Variants in NIN observed in about 807,000 individuals in gnomAD.
NIN encodes ninein.
In NIN, 137 loss-of-function variants were observed where a neutral mutation model predicts 257.6. That is an observed-to-expected ratio of 0.53 (90% CI 0.46 to 0.61). NIN has a LOEUF of 0.61. Among genes scored for constraint, NIN ranks in the 20% least tolerant of loss-of-function variants. NIN has a pLI of 0.00. For synonymous variants in NIN, 918 were observed against 919.8 expected (o/e 1.00, Z 0.04); for missense variants, 2,439 against 2,501.2 (o/e 0.98, Z 0.53).
At chr14:50,732,736 G>GGT (rs1555373791) in intron 28 of NIN, among the ~76,000 whole-genome samples, 1 of 151,002 alleles carries the variant, frequency 6.6e-6, no homozygotes, top group African/African-American at 2.4e-5. Context: ...TGTTTTTTGG[G>GGT]TTTTTTTTTG....
At chr14:50,783,543 G>A (rs1384717700) in intron 5 of NIN, among the ~76,000 whole-genome samples, 1 of 151,932 alleles carries the variant, frequency 6.6e-6, no homozygotes, top group Non-Finnish European at 1.5e-5. Context: ...ACAGATAGGA[G>A]GTATTCTGTG....
At position 50,732,517 on chromosome 14, in the gene NIN, G is replaced by C. The variant is rs371828049; in HGVS notation, c.5878-2794C>G. On this transcript the variant is annotated intron_variant, in intron 28 of 30. Transcript: ENST00000530997. ...GAGTGATGAACAGGTTTTGGAAGGA[G>C]TGGTAATGGTTGTAGGATGTTGTGA... Among the ~76,000 whole-genome samples the C allele has an allele frequency of 1.1e-3, 172 of 152,310 alleles. 3 individuals are homozygous for C. The South Asian group carries it at 0.033, about 29-fold the overall frequency.
chr14:50,741,629 G>C lies in NIN; in HGVS notation c.5401C>G (p.Gln1801Glu). Residue 1801 changes from glutamine to glutamate, a missense_variant, in exon 25 of 31, where the codon CAA becomes GAA. Gln to Glu is a conservative substitution (Grantham distance 29). Coordinates refer to ENST00000530997, the MANE Select transcript of NIN (RefSeq NM_020921.4). ...TGCTTATGTAAAGACATCACTTCTT[G>C]TTTTAAAGCCTCCTTTTCCTGCTGA... ...VTQQEKEALK[Q>E]EVMSLHKQLQ... 2 of 1,614,088 alleles carry C rather than the reference G, an allele frequency of 1.2e-6. No homozygotes were observed. The highest frequency in any genetic ancestry group is 1.7e-6 in the Non-Finnish European group (2 of 1,179,976).
chr14:50,802,639 C>T (rs1366156726), intron 4 of NIN, among the ~76,000 whole-genome samples: 2 of 152,208 alleles, frequency 1.3e-5, no homozygotes, highest in Non-Finnish European at 2.9e-5. Context: ...TAGCATTCTT[C>T]ATAGATATGG....
rs2042220232 is a variant in NIN at position 50,760,209 on chromosome 14, C to T, written c.2047G>A (p.Ala683Thr). 1 of 1,613,942 alleles carries T rather than the reference C, an allele frequency of 6.2e-7. No homozygotes were observed. The highest frequency in any genetic ancestry group is 8.5e-7 in the Non-Finnish European group (1 of 1,180,042). ...TGATGTGCCTCCTTGAGCACTGCTG[C>T]TTGCCCCTGAAGTTCAGCAATTTCA... ...KNEIAELQGQ[A>T]AVLKEAHHEA... Residue 683 changes from alanine (A) to threonine (T), a missense_variant, in exon 17 of 31, where the codon GCA becomes ACA. Transcript: ENST00000530997.
At chr14:50,815,967 T>C (rs1327074246) in intron 3 of NIN, among the ~76,000 whole-genome samples, 2 of 152,194 alleles carry the variant, frequency 1.3e-5, no homozygotes, top group East Asian at 1.9e-4. Flanking sequence ...GATTGCACTA[T>C]TGCACTCCAG....
rs536597304 is a variant in NIN at position 50,787,597 on chromosome 14, T to C, written c.435+5115A>G. Among the ~76,000 whole-genome samples the C allele has an allele frequency of 5.3e-5, 8 of 152,330 alleles. No individual in the cohort carries two copies. In the East Asian group the frequency reaches 1.5e-3, roughly 29 times the overall value. On this transcript the variant is annotated intron_variant, in intron 5 of 30. Transcript: ENST00000530997. ...ATAGAAATGGCCAACTGAATTGACT[T>C]GAGCGAAAATGATCCCATAAAAAAA...
chr14:50,761,914 G>GA lies in NIN; in HGVS notation c.1775-4dup. The GA allele has an allele frequency of 6.2e-7, 1 of 1,613,998 alleles. No homozygotes were observed. The highest frequency in any genetic ancestry group is 8.5e-7 in the Non-Finnish European group (1 of 1,179,942). On this transcript the variant is annotated splice_polypyrimidine_tract_variant and splice_region_variant and intron_variant, in intron 15 of 30. Coordinates refer to ENST00000530997, the MANE Select transcript of NIN (RefSeq NM_020921.4). ...ATTGCATTCTTCAGAACCGAGCCCT[G>GA]AAAACACATGGGACTCATTGATCCT...
chr14:50,747,604 G>A (rs2041604454), intron 22 of NIN, among the ~76,000 whole-genome samples: 1 of 151,888 alleles, frequency 6.6e-6, no homozygotes, highest in African/African-American at 2.4e-5. Context: ...CGTGGTGATG[G>A]GCACCTGTAA....
chr14:50,807,766 A>C (rs1262773271), intron 3 of NIN, among the ~76,000 whole-genome samples: 24 of 152,232 alleles, frequency 1.6e-4, no homozygotes. Flanking sequence ...TTAGTTATTG[A>C]AACAGTGGAC....
At chr14:50,733,307 G>A (rs2040812926) in intron 28 of NIN, among the ~76,000 whole-genome samples, 2 of 152,050 alleles carry the variant, frequency 1.3e-5, no homozygotes, top group Admixed American at 6.5e-5. Context: ...TGGTCACGCT[G>A]GTCTCGAACT....
intron 3 of NIN, among the ~76,000 whole-genome samples, chr14:50,819,911 AATG>A (rs1478575768): frequency 6.6e-6 from 1 of 152,212 alleles, no homozygotes; most frequent in Non-Finnish European, 1.5e-5. Flanking sequence ...GCATCATGAA[AATG>A]ATAACACTTG....
chr14:50,787,473 C>T (rs1264543989), intron 5 of NIN, among the ~76,000 whole-genome samples: 6 of 152,132 alleles, frequency 3.9e-5, no homozygotes, highest in African/African-American at 1.4e-4. Context: ...TGTTTCTTAA[C>T]AAAGTAAAGC....
At chr14:50,790,820 T>G (rs1427202133) in intron 5 of NIN, among the ~76,000 whole-genome samples, 1 of 152,208 alleles carries the variant, frequency 6.6e-6, no homozygotes, top group Non-Finnish European at 1.5e-5. Context: ...ACTCTTATCT[T>G]TATTTATACA....
chr14:50,746,040 A>C (rs1403597067), intron 22 of NIN, among the ~76,000 whole-genome samples: 1 of 151,864 alleles, frequency 6.6e-6, no homozygotes, highest in Non-Finnish European at 1.5e-5. Flanking sequence ...TGTTTAAAAA[A>C]AAAAAAAAAA....
intron 21 of NIN, among the ~76,000 whole-genome samples, chr14:50,750,393 C>T (rs990996042): frequency 6.6e-6 from 1 of 152,052 alleles, no homozygotes; most frequent in African/African-American, 2.4e-5. Flanking sequence ...TCTTAGCATT[C>T]CCCATTGCCC....
rs751180516 is a variant in NIN at position 50,758,537 on chromosome 14, G to A, written c.2493C>T (p.Ser831=). Residue 831 remains serine, a synonymous_variant, in exon 18 of 31, where the codon AGC becomes AGT. Transcript: ENST00000530997. ...DCQKVTERCE[S]ALQSLEGRYR... is the part of the protein sequence containing the mutation. ...AGCGCCCCTCCAGGCTTTGCAGAGC[G>A]CTTTCACACCTCTCAGTGACTTTCT... is the stretch of plus-strand genomic sequence containing the variant. 5 of 1,614,002 alleles carry A rather than the reference G, an allele frequency of 3.1e-6. No individual in the cohort carries two copies. The highest frequency in any genetic ancestry group is 1.1e-5 in the South Asian group (1 of 91,056).
At chr14:50,818,605 A>G (rs992004124) in intron 3 of NIN, among the ~76,000 whole-genome samples, 1 of 152,178 alleles carries the variant, frequency 6.6e-6, no homozygotes, top group Non-Finnish European at 1.5e-5. Context: ...GGCCTCATCT[A>G]GCTGACAGGT....
intron 20 of NIN, among the ~76,000 whole-genome samples, chr14:50,753,125 C>T (rs1156728242): frequency 1.3e-5 from 2 of 152,176 alleles, no homozygotes; most frequent in African/African-American, 2.4e-5. Context: ...TCCAGGTGGG[C>T]ACGGTGGCTC....
Sources: gnomAD v4.1 joint callset for allele counts (sites outside exome capture counted in the v4.1 genomes callset) on GRCh38, gnomAD v4.1.1 for gene constraint, MANE v1.5 for transcripts, NCBI Gene and HGNC (gene_info 2026-07-23, HGNC 2026-07-21) for gene names.